Variants in ZNF385D observed in about 807,000 individuals in gnomAD.
The protein encoded by ZNF385D is zinc finger protein 659.
ZNF385D carries 15 observed loss-of-function variants against 35.8 expected under a neutral mutation model. The observed-to-expected ratio is 0.42, with a 90% CI of 0.28 to 0.64. ZNF385D has a LOEUF of 0.64. Among genes scored for constraint, ZNF385D ranks in the 30% least tolerant of loss-of-function variants. ZNF385D has a pLI of 0.23. For synonymous variants in ZNF385D, 212 were observed against 186.8 expected (o/e 1.13, Z -1.10); for missense variants, 474 against 494.6 (o/e 0.96, Z 0.39).
chr3:22,047,882 C>G (rs1392829386), intron 3 of ZNF385D, among the ~76,000 whole-genome samples: 4 of 152,070 alleles, frequency 2.6e-5, no homozygotes, highest in African/African-American at 9.7e-5. Context: ...CAAGGCTTCC[C>G]TTTTAACACT....
At chr3:21,471,295 TCACACACACA>T (rs151185506) in intron 4 of ZNF385D, among the ~76,000 whole-genome samples, 15,948 of 85,762 alleles carry the variant, frequency 0.19, 1,533 homozygotes, top group Non-Finnish European at 0.24. Flanking sequence ...TCTCTCTCTC[TCACACACACA>T]CACACACACA....
At chr3:22,086,736 T>G (rs909015251) in intron 3 of ZNF385D, among the ~76,000 whole-genome samples, 5 of 152,132 alleles carry the variant, frequency 3.3e-5, no homozygotes, top group African/African-American at 1.2e-4. Flanking sequence ...ATATACACCA[T>G]GGAATACTAT....
At chr3:22,061,963 T>A (rs1344331234) in intron 3 of ZNF385D, among the ~76,000 whole-genome samples, 1 of 152,240 alleles carries the variant, frequency 6.6e-6, no homozygotes, top group Non-Finnish European at 1.5e-5. Flanking sequence ...GTGAATACCA[T>A]GCATTCAATA....
At position 21,475,986 on chromosome 3, in the gene ZNF385D, A is replaced by C. The variant is rs1025296169; in HGVS notation, c.439+34875T>G. Reference sequence around the variant, plus strand: ...TGCCCAGTAAATCATCAGCAGACACATAAGAATATTGCTTTCTCAGAAGTT... The same window carrying C: ...TGCCCAGTAAATCATCAGCAGACACCTAAGAATATTGCTTTCTCAGAAGTT... On this transcript the variant is annotated intron_variant, in intron 4 of 7. Coordinates refer to ENST00000281523, the MANE Select transcript of ZNF385D (RefSeq NM_024697.3). 2.6e-5 allele frequency among the ~76,000 whole-genome samples: 4 copies of C among 152,244 alleles called. No individual in the cohort carries two copies. The East Asian group carries it at 5.8e-4, about 22-fold the overall frequency.
chr3:21,987,687 C>T (rs1694888565), intron 3 of ZNF385D, among the ~76,000 whole-genome samples: 2 of 145,052 alleles, frequency 1.4e-5, no homozygotes, highest in African/African-American at 5.3e-5. Flanking sequence ...GTGGTGTTCT[C>T]TGTATTTCCT....
intron 2 of ZNF385D, among the ~76,000 whole-genome samples, chr3:22,338,612 T>A (rs1695276774): frequency 6.6e-6 from 1 of 152,116 alleles, no homozygotes; most frequent in Admixed American, 6.5e-5. Context: ...AGAGTTGCTT[T>A]CACAGTACAG....
intron 2 of ZNF385D, among the ~76,000 whole-genome samples, chr3:21,619,062 G>T (rs939031197): frequency 7.2e-5 from 11 of 152,014 alleles, no homozygotes; most frequent in African/African-American, 2.2e-4. Flanking sequence ...TGCTAATGTT[G>T]CCATTTTCTG....
intron 3 of ZNF385D, among the ~76,000 whole-genome samples, chr3:22,123,991 G>GTATTC (rs1703277239): frequency 1.7e-5 from 1 of 57,612 alleles, no homozygotes; most frequent in South Asian, 5.1e-4. Flanking sequence ...TATATATATT[G>GTATTC]CTGACTGAAC....
At chr3:21,669,450 A>T (rs2066497097) in intron 1 of ZNF385D, among the ~76,000 whole-genome samples, 1 of 152,340 alleles carries the variant, frequency 6.6e-6, no homozygotes, top group Middle Eastern at 3.4e-3. Context: ...TCACAAAAGT[A>T]CTAACTTGTG....
At chr3:21,502,007 T>G (rs1706406446) in intron 4 of ZNF385D, among the ~76,000 whole-genome samples, 1 of 152,228 alleles carries the variant, frequency 6.6e-6, no homozygotes, top group African/African-American at 2.4e-5. Flanking sequence ...CATACTCACA[T>G]GCATATGCAC....
chr3:22,126,319 T>G lies in ZNF385D; in HGVS notation c.325+42498A>C, dbSNP rs919484348. ...TATGTATTTGAAAGTTGTTTTTTTT[T>G]TTTTTTTTTTTCACTTTTTTGGTGT... On this transcript the variant is annotated intron_variant, in intron 3 of 5. Coordinates refer to the ZNF385D transcript ENST00000494108. Among the ~76,000 whole-genome samples the G allele has an allele frequency of 1.2e-3, 182 of 151,172 alleles. 1 individual carries two copies. Among genetic ancestry groups the G allele is most frequent in the African/African-American group, 4.1e-3 (169 of 41,310 alleles).
chr3:21,664,745 A>G (rs1311565438), intron 2 of ZNF385D, 141 bp downstream of exon 2: 1 of 1,180,858 alleles, frequency 8.5e-7, no homozygotes, highest in East Asian at 2.5e-5. Context: ...CAAGCAAACA[A>G]CTAACTTCAT....
At chr3:21,995,882 C>A (rs1268695965) in intron 3 of ZNF385D, among the ~76,000 whole-genome samples, 1 of 152,006 alleles carries the variant, frequency 6.6e-6, no homozygotes, top group Admixed American at 6.5e-5. Flanking sequence ...TCTCTTTGTC[C>A]TAGGGGCAGC....
intron 3 of ZNF385D, among the ~76,000 whole-genome samples, chr3:22,155,045 G>C (rs542366276): frequency 6.6e-6 from 1 of 152,168 alleles, no homozygotes; most frequent in East Asian, 1.9e-4. Flanking sequence ...AAACATCATT[G>C]TATAATTGAT....
intron 3 of ZNF385D, among the ~76,000 whole-genome samples, chr3:21,900,134 A>C (rs1316014616): frequency 2.6e-5 from 4 of 152,186 alleles, no homozygotes; most frequent in Non-Finnish European, 5.9e-5. Context: ...ACAAAAATCA[A>C]AGATATGCCA....
chr3:22,025,756 G>A (rs986104784), intron 3 of ZNF385D, among the ~76,000 whole-genome samples: 7 of 152,112 alleles, frequency 4.6e-5, no homozygotes, highest in East Asian at 1.9e-4. Flanking sequence ...TGGGTTAATC[G>A]CTTTAGACCT....
intron 4 of ZNF385D, among the ~76,000 whole-genome samples, chr3:21,487,398 A>C (rs1705113514): frequency 6.6e-6 from 1 of 152,046 alleles, no homozygotes; most frequent in South Asian, 2.1e-4. Flanking sequence ...GGGCTCAAAC[A>C]TGTAGGGGAA....
intron 4 of ZNF385D, among the ~76,000 whole-genome samples, chr3:21,441,073 A>G (rs1023878711): frequency 2.6e-5 from 4 of 152,150 alleles, no homozygotes; most frequent in African/African-American, 9.7e-5. Flanking sequence ...TAAGAAGGCC[A>G]ATAAACATAG....
At chr3:21,808,803 C>A (rs1017005422) in intron 3 of ZNF385D, among the ~76,000 whole-genome samples, 1 of 152,190 alleles carries the variant, frequency 6.6e-6, no homozygotes. Context: ...CCAGAATCCA[C>A]ACAGCAAAGC....
Sources: allele counts gnomAD v4.1 joint callset (sites outside exome capture counted in the v4.1 genomes callset), GRCh38; gene constraint gnomAD v4.1.1; transcripts MANE v1.5; gene names NCBI Gene and HGNC (gene_info 2026-07-23, HGNC 2026-07-21).